Variants in HSF1 observed in about 807,000 individuals in gnomAD.
HSF1 encodes heat shock transcription factor 1, also known as heat shock factor protein 1.
A neutral mutation model predicts 51.7 loss-of-function variants in HSF1; 32 were observed. The ratio of observed to expected loss-of-function variants is 0.62; its 90% CI spans 0.47 to 0.83. HSF1 has a LOEUF of 0.83. HSF1 is among the 40% of genes least tolerant of loss of function. HSF1 has a pLI of 0.00. For missense variants in HSF1, 727 were observed against 717.0 expected (o/e 1.01, Z -0.16); for synonymous variants, 396 against 309.7 (o/e 1.28, Z -2.92).
intron 1 of HSF1, among the ~76,000 whole-genome samples, chr8:144,300,406 A>G (rs546447910): frequency 6.6e-6 from 1 of 151,824 alleles, no homozygotes; most frequent in South Asian, 2.1e-4. Flanking sequence ...TTTAGTAGAG[A>G]TGGGGTTTCA....
At chr8:144,294,147 G>T (rs956292574) in intron 1 of HSF1, among the ~76,000 whole-genome samples, 3 of 152,152 alleles carry the variant, frequency 2.0e-5, no homozygotes, top group African/African-American at 7.2e-5. Flanking sequence ...CTGGGGGCGA[G>T]CATGGCAATG....
chr8:144,312,862 G>A (rs892683269), intron 9 of HSF1: 54 of 675,702 alleles, frequency 8.0e-5, no homozygotes, highest in East Asian at 2.2e-4. Context: ...GCTCAGTGTC[G>A]TCATGGCTCC....
rs1325349823 is a variant in HSF1, at chr8:144,314,321, T to G, written c.1581T>G (p.Thr527=). 6.5e-7 allele frequency: 1 copy of G among 1,549,458 alleles called. No homozygotes were observed. The highest frequency in any genetic ancestry group is 8.7e-7 in the Non-Finnish European group (1 of 1,146,476). ...AGCCTCCCAAAGCCAAGGACCCCAC[T>G]GTCTCCTAGAGGCCCCGGAGGAGCT... The part of the protein sequence containing the change: ...GSEPPKAKDP[T]VS Residue 527 remains threonine, a synonymous_variant, in exon 13 of 13, where the codon ACT becomes ACG. Transcript: ENST00000528838.
intron 4 of HSF1, 184 bp from the exon 5 acceptor site, chr8:144,310,990 C>T: frequency 1.6e-6 from 1 of 617,102 alleles, no homozygotes; most frequent in Non-Finnish European, 2.8e-6. Flanking sequence ...GGCAGTGGGA[C>T]CAGCAAGCCC....
chr8:144,299,917 A>C (rs1206891346), intron 1 of HSF1, among the ~76,000 whole-genome samples: 5 of 152,194 alleles, frequency 3.3e-5, no homozygotes, highest in Non-Finnish European at 7.3e-5. Flanking sequence ...TCAAAAAATA[A>C]GAAAACATGA....
At chr8:144,309,118 G>A (rs1816425744) in intron 2 of HSF1, 104 bp downstream of exon 2, 4 of 936,464 alleles carry the variant, frequency 4.3e-6, no homozygotes, top group African/African-American at 1.6e-5. Flanking sequence ...GTCCTGTGCT[G>A]GCCAAGGGCA....
intron 1 of HSF1, among the ~76,000 whole-genome samples, chr8:144,303,993 G>GA (rs1197520928): frequency 1.3e-5 from 2 of 152,212 alleles, no homozygotes; most frequent in African/African-American, 4.8e-5. Context: ...TCTCCTCTCT[G>GA]AGGCTTGGGC....
At chr8:144,303,023 A>G (rs546140750) in intron 1 of HSF1, among the ~76,000 whole-genome samples, 1 of 152,038 alleles carries the variant, frequency 6.6e-6, no homozygotes, top group Non-Finnish European at 1.5e-5. Context: ...TGCTGCTGAG[A>G]ACACAAATGC....
chr8:144,299,467 C>G (rs1554841860), intron 1 of HSF1, among the ~76,000 whole-genome samples: 1 of 151,000 alleles, frequency 6.6e-6, no homozygotes, highest in African/African-American at 2.4e-5. Context: ...CGTCCAGAAT[C>G]TAATCAGTCA....
At position 144,312,771 on chromosome 8, in the gene HSF1, A is replaced by G. The variant is rs782532065; in HGVS notation, c.1142+527A>G. The G allele has an allele frequency of 4.9e-5, 70 of 1,420,808 alleles. No individual in the cohort carries two copies. In the African/African-American group the frequency reaches 8.9e-4, roughly 18 times the overall value. 88.0% of individuals were successfully genotyped at this position (1,420,808 alleles called of 1,614,324 possible). ...TCTGCCAGCGCTCGGGCCCTCCCACACAGCCGTGGACCAGACCCAGCCTGG... is the reference window on the plus strand; with the variant it reads ...TCTGCCAGCGCTCGGGCCCTCCCACGCAGCCGTGGACCAGACCCAGCCTGG... On this transcript the variant is annotated intron_variant, in intron 9 of 12. Coordinates refer to ENST00000528838, the MANE Select transcript of HSF1 (RefSeq NM_005526.4).
At chr8:144,312,527 G>T in intron 9 of HSF1, 1 of 1,094,416 alleles carries the variant, frequency 9.1e-7, no homozygotes. Context: ...GCCCTGGCAG[G>T]TCGTGCTGCC....
At chr8:144,311,658 G>A (rs1554844595) in intron 7 of HSF1, 42 bp from the exon 8 acceptor site, 3 of 1,610,436 alleles carry the variant, frequency 1.9e-6, no homozygotes, top group Admixed American at 3.3e-5. Flanking sequence ...GGGGTGGGTT[G>A]CCCCTGCCGG....
At position 144,314,418 on chromosome 8, in the gene HSF1, G is replaced by A; in HGVS notation, c.*88G>A. On this transcript the variant is annotated 3_prime_UTR_variant, in exon 13 of 13. Coordinates refer to ENST00000528838, the MANE Select transcript of HSF1 (RefSeq NM_005526.4). ...AGGCAGGGCAGCCTCGCGGTCTTGG[G>A]CACTGGTGGGTCGGCCGCCATAGCC... 1 of 1,204,276 alleles carries A rather than the reference G, an allele frequency of 8.3e-7. No homozygotes were observed. Among genetic ancestry groups the A allele is most frequent in the Non-Finnish European group, 1.2e-6 (1 of 852,600 alleles). The allele number at this position is 1,204,276 out of a possible 1,614,324, so 74.6% of individuals were successfully genotyped here. A position where few individuals can be genotyped will look rare whatever the true frequency, so the allele number is the denominator to read the frequency against.
chr8:144,313,660 G>GCGCCTCCCCGCCCCGCCTCC, intron 10 of HSF1, 44 bp downstream of exon 10: 1 of 107,804 alleles, frequency 9.3e-6, no homozygotes, highest in East Asian at 2.2e-4. Context: ...CCGCCTCCCC[G>GCGCCTCCCCGCCCCGCCTCC]CCGCGCCGCC....
intron 1 of HSF1, among the ~76,000 whole-genome samples, chr8:144,298,843 G>A (rs1038920211): frequency 5.9e-5 from 9 of 152,358 alleles, no homozygotes; most frequent in Middle Eastern, 3.4e-3. Flanking sequence ...GGTTGGATCC[G>A]ATTTGCTGGT....
intron 1 of HSF1, among the ~76,000 whole-genome samples, chr8:144,295,004 G>A (rs1815362957): frequency 6.6e-6 from 1 of 152,186 alleles, no homozygotes; most frequent in African/African-American, 2.4e-5. Context: ...GAGACCCAAA[G>A]ACGGGGTTGG....
At chr8:144,312,322 G>C in intron 9 of HSF1, 78 bp downstream of exon 9, 1 of 1,092,464 alleles carries the variant, frequency 9.2e-7, no homozygotes, top group South Asian at 1.5e-5. Flanking sequence ...CTGTCCCAGT[G>C]GACTGAGCAG....
intron 1 of HSF1, among the ~76,000 whole-genome samples, 172 bp from the exon 2 acceptor site, chr8:144,308,734 G>T (rs955918201): frequency 6.6e-6 from 1 of 152,242 alleles, no homozygotes; most frequent in African/African-American, 2.4e-5. Context: ...GTGGCAGGTG[G>T]TCCCAGGAAC....
At chr8:144,308,841 A>AGGGGCGGCTTGGGCAC in intron 1 of HSF1, 65 bp from the exon 2 acceptor site, 1 of 1,288,346 alleles carries the variant, frequency 7.8e-7, no homozygotes, top group Non-Finnish European at 1.1e-6. Context: ...GGCCTGGGGA[A>AGGGGCGGCTTGGGCAC]GGGGCGGCTT....
Sources: allele counts gnomAD v4.1 joint callset (sites outside exome capture counted in the v4.1 genomes callset), GRCh38; gene constraint gnomAD v4.1.1; transcripts MANE v1.5; gene names NCBI Gene and HGNC (gene_info 2026-07-23, HGNC 2026-07-21).